The following MRAP2 variants were observed in gnomAD, a reference collection of about 807,000 sequenced individuals.
MRAP2 encodes melanocortin 2 receptor accessory protein 2, also known as melanocortin-2 receptor accessory protein 2.
MRAP2 carries 20 observed loss-of-function variants against 17.4 expected under a neutral mutation model. The observed-to-expected ratio is 1.15, with a 90% CI of 0.81 to 1.67. MRAP2 has a LOEUF of 1.67. MRAP2 is among the 40% of genes most tolerant of loss of function. The pLI is 0.00. For missense variants in MRAP2, 238 were observed against 240.0 expected, an observed-to-expected ratio of 0.99 and a Z score of 0.05; for synonymous variants, 96 against 88.4, an observed-to-expected ratio of 1.09 and a Z score of -0.48.
chr6:84,064,869 C>G (rs1186175162), intron 3 of MRAP2, among the ~76,000 whole-genome samples: 1 of 152,222 alleles, frequency 6.6e-6, no homozygotes, highest in Non-Finnish European at 1.5e-5. Flanking sequence ...TGTCTCGTCA[C>G]AGCCTCCGGC....
At position 84,034,904 on chromosome 6, in the gene MRAP2, GA is replaced by G. The variant is rs922246091; in HGVS notation, c.-8+1022del. 6.0e-4 allele frequency among the ~76,000 whole-genome samples: 91 copies of G among 152,106 alleles called. 2 individuals are homozygous for G. Among genetic ancestry groups the G allele is most frequent in the Admixed American group, 5.2e-4 (8 of 15,264 alleles). ...GTAGGGGTCTGGAAGCTAGGACTGT[GA>G]GTCTAGTTTCCTTTAGGTACATTGC... On this transcript the variant is annotated intron_variant, in intron 1 of 3. Coordinates refer to ENST00000257776, the MANE Select transcript of MRAP2 (RefSeq NM_138409.4).
chr6:84,127,573 A>G, the MRAP2 span, among the ~76,000 whole-genome samples: 6 of 152,312 alleles, frequency 3.9e-5, no homozygotes, highest in Admixed American at 3.3e-4. Context: ...AATGATTATT[A>G]AAATTATTTT....
the MRAP2 span, among the ~76,000 whole-genome samples, chr6:84,136,986 T>C: frequency 6.6e-6 from 1 of 152,220 alleles, no homozygotes; most frequent in Non-Finnish European, 1.5e-5. Flanking sequence ...CTGACCATGC[T>C]GACTCTTGTA....
At chr6:84,131,418 G>C in the MRAP2 span, among the ~76,000 whole-genome samples, 3 of 152,084 alleles carry the variant, frequency 2.0e-5, no homozygotes, top group South Asian at 2.1e-4. Flanking sequence ...TTTCTGTCTC[G>C]TTGATCTGTC....
the MRAP2 span, among the ~76,000 whole-genome samples, chr6:84,140,451 G>A: frequency 1.3e-5 from 2 of 152,130 alleles, no homozygotes; most frequent in East Asian, 3.9e-4. Flanking sequence ...TGGATATCGA[G>A]GGAGATTTGA....
chr6:84,044,173 T>C (rs1373621149), intron 1 of MRAP2, among the ~76,000 whole-genome samples: 2 of 152,146 alleles, frequency 1.3e-5, no homozygotes, highest in Non-Finnish European at 2.9e-5. Flanking sequence ...TAGCTTAACC[T>C]GCAGGAGTTT....
chr6:84,117,230 C>A, the MRAP2 span, among the ~76,000 whole-genome samples: 1 of 152,108 alleles, frequency 6.6e-6, no homozygotes, highest in Non-Finnish European at 1.5e-5. Context: ...ACCATATTGG[C>A]CAGGCTGGTC....
chr6:84,056,258 T>C (rs150287262), intron 2 of MRAP2, among the ~76,000 whole-genome samples: 1 of 152,358 alleles, frequency 6.6e-6, no homozygotes, highest in South Asian at 2.1e-4. Context: ...TTAGGAAATA[T>C]AAGAGGGCTT....
In MRAP2 at chr6:84,065,504, G is replaced by A. The variant is rs117356693; in HGVS notation, c.227+2512G>A. ...AAAATATGGTGTGGGTTACAAGAGG[G>A]TTAAGAAAAGCCTAGAATAAACTCA... is the stretch of plus-strand genomic sequence containing the variant. On this transcript the variant is annotated intron_variant, in intron 3 of 3. Coordinates refer to ENST00000257776, the MANE Select transcript of MRAP2 (RefSeq NM_138409.4). Among the ~76,000 whole-genome samples, 643 of 152,216 alleles carry A rather than the reference G, an allele frequency of 4.2e-3. 1 individual carries two copies. Among genetic ancestry groups the A allele is most frequent in the Non-Finnish European group, 6.6e-3 (449 of 68,022 alleles).
At chr6:84,083,597 C>A (rs2497138) in intron 3 of MRAP2, among the ~76,000 whole-genome samples, 28,434 of 151,968 alleles carry the variant, frequency 0.19, 5,317 homozygotes, top group African/African-American at 0.48. Flanking sequence ...TAAACCCGGG[C>A]AAAATTGTAT....
chr6:84,045,222 T>C, intron 1 of MRAP2: 1 of 985,346 alleles, frequency 1.0e-6, no homozygotes, highest in Non-Finnish European at 1.2e-6. Context: ...CAATGAATGA[T>C]GATAGTGACG....
chr6:84,064,645 G>A (rs757196415), intron 3 of MRAP2, among the ~76,000 whole-genome samples: 49 of 152,140 alleles, frequency 3.2e-4, no homozygotes, highest in Non-Finnish European at 4.4e-4. Context: ...CCACCACCAC[G>A]CCCAGCTACT....
chr6:84,117,402 G>A, the MRAP2 span, among the ~76,000 whole-genome samples: 3 of 152,108 alleles, frequency 2.0e-5, no homozygotes, highest in Non-Finnish European at 4.4e-5. Flanking sequence ...AGTTAGGGAG[G>A]AGTATCTCCT....
At chr6:84,037,965 G>A (rs971484027) in intron 1 of MRAP2, among the ~76,000 whole-genome samples, 2 of 152,230 alleles carry the variant, frequency 1.3e-5, no homozygotes, top group Non-Finnish European at 2.9e-5. Context: ...GAGAGTGAGC[G>A]AGGGCTGCTA....
At chr6:84,103,219 C>T in the MRAP2 span, among the ~76,000 whole-genome samples, 3 of 152,086 alleles carry the variant, frequency 2.0e-5, no homozygotes, top group Admixed American at 6.5e-5. Context: ...AGGGTAGAAA[C>T]GTAGATCCAA....
the MRAP2 span, among the ~76,000 whole-genome samples, chr6:84,128,741 G>A: frequency 2.6e-5 from 4 of 151,790 alleles, no homozygotes; most frequent in Non-Finnish European, 5.9e-5. Context: ...TGTGCAGAAC[G>A]TGCAGGTTTG....
intron 1 of MRAP2, among the ~76,000 whole-genome samples, chr6:84,051,146 C>T (rs528587870): frequency 1.8e-4 from 28 of 152,324 alleles, no homozygotes; most frequent in African/African-American, 6.5e-4. Flanking sequence ...TGCATACCAT[C>T]GTAATCCACC....
intron 3 of MRAP2, among the ~76,000 whole-genome samples, chr6:84,071,674 T>G (rs189064303): frequency 6.6e-6 from 1 of 152,278 alleles, no homozygotes; most frequent in Non-Finnish European, 1.5e-5. Context: ...CCCAAATGTG[T>G]TTTCCAAGCT....
At chr6:84,036,172 T>C (rs1213935376) in intron 1 of MRAP2, among the ~76,000 whole-genome samples, 1 of 151,976 alleles carries the variant, frequency 6.6e-6, no homozygotes, top group Non-Finnish European at 1.5e-5. Context: ...TTTTCCTAAA[T>C]GAAATATCAA....
Sources: gnomAD v4.1 joint callset for allele counts (sites outside exome capture counted in the v4.1 genomes callset) on GRCh38, gnomAD v4.1.1 for gene constraint, MANE v1.5 for transcripts, NCBI Gene and HGNC (gene_info 2026-07-23, HGNC 2026-07-21) for gene names.